FANCC: variants seen among roughly 807,000 people sequenced by gnomAD.
FANCC encodes the protein FA complementation group C.
In FANCC, 55 loss-of-function variants were observed where a neutral mutation model predicts 71.3. That is an observed-to-expected ratio of 0.77 (90% confidence interval 0.62 to 0.97). The LOEUF is 0.97. FANCC is among the 50% of genes least tolerant of loss of function. FANCC has a pLI of 0.00. For synonymous variants in FANCC, 275 were observed against 244.9 expected (o/e 1.12, Z -1.15); for missense variants, 678 against 670.9 (o/e 1.01, Z -0.12).
intron 14 of FANCC, among the ~76,000 whole-genome samples, chr9:95,103,771 G>A (rs187877703): frequency 1.7e-4 from 26 of 152,372 alleles, no homozygotes; most frequent in East Asian, 7.7e-4. Context: ...AGCCCACTGC[G>A]CAGAGCTCAC....
chr9:95,161,972 G>A (rs938933164), intron 6 of FANCC, among the ~76,000 whole-genome samples: 2 of 151,902 alleles, frequency 1.3e-5, no homozygotes, highest in Non-Finnish European at 2.9e-5. Flanking sequence ...CTCCTGGGTA[G>A]CCAGGATTAC....
chr9:95,172,638 C>T (rs1825759400), intron 4 of FANCC, among the ~76,000 whole-genome samples: 1 of 151,748 alleles, frequency 6.6e-6, no homozygotes, highest in African/African-American at 2.4e-5. Context: ...GAACACATCA[C>T]AAATCAGTAG....
chr9:95,145,913 G>T (rs1027188997), intron 7 of FANCC, among the ~76,000 whole-genome samples: 1 of 151,892 alleles, frequency 6.6e-6, no homozygotes, highest in African/African-American at 2.4e-5. Context: ...GATTGAAAGA[G>T]ACTTAAAAGA....
chr9:95,273,666 A>G (rs1832864216), intron 1 of FANCC, among the ~76,000 whole-genome samples: 1 of 152,208 alleles, frequency 6.6e-6, no homozygotes, highest in African/African-American at 2.4e-5. Context: ...AGGTGGTCAC[A>G]ATTCTATACG....
At chr9:95,176,580 A>C (rs1410700906) in intron 4 of FANCC, among the ~76,000 whole-genome samples, 1 of 152,244 alleles carries the variant, frequency 6.6e-6, no homozygotes, top group South Asian at 2.1e-4. Context: ...AAGTGCTTAC[A>C]ATGTGTGAGG....
chr9:95,099,517 G>A lies in FANCC; in HGVS notation c.*2190C>T, dbSNP rs978731190. On this transcript the variant is annotated 3_prime_UTR_variant, in exon 15 of 15. Transcript: ENST00000289081. ...TGCCGAAATCGAAGGCAACAAGAGGGGGAGGTGGGCTTAAGAGTGCCTGCC... is the reference window on the plus strand; with the variant it reads ...TGCCGAAATCGAAGGCAACAAGAGGAGGAGGTGGGCTTAAGAGTGCCTGCC... 8.7e-6 allele frequency: 2 copies of A among 229,466 alleles called. No individual in the cohort carries two copies. The highest frequency in any genetic ancestry group is 4.5e-5 in the African/African-American group (2 of 44,856). 14.2% of individuals were successfully genotyped at this position (229,466 alleles called of 1,614,324 possible).
intron 10 of FANCC, among the ~76,000 whole-genome samples, chr9:95,117,817 G>A (rs780165152): frequency 2.7e-5 from 4 of 150,170 alleles, no homozygotes; most frequent in East Asian, 4.0e-4. Flanking sequence ...TCTGGCTCCC[G>A]GGTTCAAGCG....
chr9:95,254,096 G>A (rs1437626898), intron 1 of FANCC, among the ~76,000 whole-genome samples: 2 of 152,204 alleles, frequency 1.3e-5, no homozygotes, highest in Non-Finnish European at 1.5e-5. Context: ...TAGAGGAAAG[G>A]AAGATGTGCT....
intron 4 of FANCC, among the ~76,000 whole-genome samples, chr9:95,174,573 A>AT (rs1417543840): frequency 6.6e-6 from 1 of 151,852 alleles, no homozygotes; most frequent in Non-Finnish European, 1.5e-5. Context: ...CTTAAGTACA[A>AT]TTTCCTAGCC....
intron 1 of FANCC, among the ~76,000 whole-genome samples, chr9:95,265,678 T>G (rs1313924166): frequency 1.3e-5 from 2 of 152,206 alleles, no homozygotes; most frequent in East Asian, 1.9e-4. Flanking sequence ...TTAGGAAGCT[T>G]CTTCTTGCCT....
At chr9:95,199,767 T>TC (rs1827693490) in intron 4 of FANCC, among the ~76,000 whole-genome samples, 1 of 152,178 alleles carries the variant, frequency 6.6e-6, no homozygotes, top group African/African-American at 2.4e-5. Flanking sequence ...GTATATACAT[T>TC]CGCCTTGGTA....
chr9:95,150,183 C>A, intron 6 of FANCC, 96 bp from the exon 7 acceptor site: 1 of 1,301,092 alleles, frequency 7.7e-7, no homozygotes, highest in Non-Finnish European at 1.1e-6. Flanking sequence ...AAAGACAGAT[C>A]ACCTGTTTTG....
At chr9:95,198,863 A>T (rs550447356) in intron 4 of FANCC, among the ~76,000 whole-genome samples, 64 of 151,966 alleles carry the variant, frequency 4.2e-4, no homozygotes, top group Non-Finnish European at 6.9e-4. Context: ...TCAGCCTCCC[A>T]AGTAGCTAGG....
At chr9:95,139,757 G>C (rs1176478635) in intron 7 of FANCC, among the ~76,000 whole-genome samples, 1 of 150,590 alleles carries the variant, frequency 6.6e-6, no homozygotes, top group Non-Finnish European at 1.5e-5. Flanking sequence ...GCAGGATGAG[G>C]AGGAGGAGGT....
rs1200637991 is a variant in FANCC at position 95,247,336 on chromosome 9, A to C, written c.250+96T>G. ...CATTTGATAAGTTGTTCCATTAAAA[A>C]AAAAAAACTAGGAGAAAGGTTCATA... On this transcript the variant is annotated intron_variant, in intron 3 of 14. Transcript: ENST00000289081. 3 of 934,014 alleles carry C rather than the reference A, an allele frequency of 3.2e-6. No homozygotes were observed. In the African/African-American group the frequency reaches 5.0e-5, roughly 15 times the overall value. 57.9% of individuals were successfully genotyped at this position (934,014 alleles called of 1,614,324 possible).
At chr9:95,211,598 C>T (rs1247565199) in intron 4 of FANCC, among the ~76,000 whole-genome samples, 1 of 152,072 alleles carries the variant, frequency 6.6e-6, no homozygotes, top group African/African-American at 2.4e-5. Context: ...TAAATGTCTG[C>T]CGGGATAAAA....
chr9:95,204,695 T>C (rs1386194316), intron 4 of FANCC, among the ~76,000 whole-genome samples: 1 of 152,136 alleles, frequency 6.6e-6, no homozygotes, highest in Non-Finnish European at 1.5e-5. Flanking sequence ...TCAAACCCAA[T>C]CTGCCTTACC....
At chr9:95,104,285 G>A (rs2071275092) in intron 14 of FANCC, among the ~76,000 whole-genome samples, 1 of 152,236 alleles carries the variant, frequency 6.6e-6, no homozygotes, top group South Asian at 2.1e-4. Context: ...GCCCCCAGGA[G>A]GTGCTTTCAC....
intron 4 of FANCC, among the ~76,000 whole-genome samples, chr9:95,175,486 G>A (rs1825956487): frequency 1.3e-5 from 2 of 152,180 alleles, no homozygotes; most frequent in South Asian, 4.1e-4. Context: ...GTTCAAATCT[G>A]CCGCAAATAC....
Sources: gnomAD v4.1 joint callset for allele counts (sites outside exome capture counted in the v4.1 genomes callset) on GRCh38, gnomAD v4.1.1 for gene constraint, MANE v1.5 for transcripts, NCBI Gene and HGNC (gene_info 2026-07-23, HGNC 2026-07-21) for gene names.